Variants in FGF10 observed in about 807,000 individuals in gnomAD.
FGF10 encodes fibroblast growth factor 10.
Under a neutral mutation model 19.8 loss-of-function variants are expected in FGF10, and 2 were observed. The ratio of observed to expected loss-of-function variants is 0.10; its 90% CI spans 0.04 to 0.32. The LOEUF is 0.32. Ranked by LOEUF, FGF10 falls within the 10% of genes least tolerant of loss-of-function variation. The pLI is 1.00. For synonymous variants in FGF10, 112 were observed against 94.0 expected, an observed-to-expected ratio of 1.19 and a Z score of -1.10; for missense variants, 191 against 246.3, an observed-to-expected ratio of 0.78 and a Z score of 1.50.
At chr5:44,324,459 G>A (rs1006210251) in intron 1 of FGF10, among the ~76,000 whole-genome samples, 7 of 151,944 alleles carry the variant, frequency 4.6e-5, no homozygotes, top group African/African-American at 9.7e-5. Context: ...AGATAAAACC[G>A]CACAATATCA....
chr5:44,309,939 A>G (rs553293769), intron 2 of FGF10, among the ~76,000 whole-genome samples: 6 of 152,240 alleles, frequency 3.9e-5, no homozygotes, highest in African/African-American at 1.4e-4. Context: ...TAGGTAAATA[A>G]AATTCTAGAG....
At chr5:44,370,001 A>G (rs1482321300) in intron 1 of FGF10, among the ~76,000 whole-genome samples, 3 of 152,018 alleles carry the variant, frequency 2.0e-5, no homozygotes, top group Non-Finnish European at 2.9e-5. Context: ...TCAGATTTCT[A>G]TGTGTGAACA....
At chr5:44,333,510 G>A (rs961697636) in intron 1 of FGF10, among the ~76,000 whole-genome samples, 2 of 152,152 alleles carry the variant, frequency 1.3e-5, no homozygotes, top group East Asian at 3.8e-4. Flanking sequence ...CATTTATGGA[G>A]CATCACTATG....
At chr5:44,355,706 T>C (rs1741331333) in intron 1 of FGF10, among the ~76,000 whole-genome samples, 1 of 151,382 alleles carries the variant, frequency 6.6e-6, no homozygotes, top group Non-Finnish European at 1.5e-5. Flanking sequence ...TAAAATACAA[T>C]GCAGCGTGGA....
chr5:44,328,990 C>T (rs1329540708), intron 1 of FGF10, among the ~76,000 whole-genome samples: 1 of 152,086 alleles, frequency 6.6e-6, no homozygotes, highest in Non-Finnish European at 1.5e-5. Flanking sequence ...GAGTGAGACT[C>T]TGTCTCTGAA....
chr5:44,361,953 G>A (rs1741491879), intron 1 of FGF10, among the ~76,000 whole-genome samples: 1 of 151,562 alleles, frequency 6.6e-6, no homozygotes, highest in Non-Finnish European at 1.5e-5. Context: ...CCAGAAAGGT[G>A]ATCTGTATTT....
intron 1 of FGF10, among the ~76,000 whole-genome samples, chr5:44,368,931 G>A (rs1741682948): frequency 6.6e-6 from 1 of 152,104 alleles, no homozygotes; most frequent in Non-Finnish European, 1.5e-5. Context: ...GTCTTCCAAA[G>A]TGTTGAGATT....
chr5:44,380,857 G>A (rs1741969777), intron 1 of FGF10, among the ~76,000 whole-genome samples: 1 of 152,066 alleles, frequency 6.6e-6, no homozygotes, highest in Non-Finnish European at 1.5e-5. Context: ...TCCAGGCAGG[G>A]TGGTACATGC....
intron 1 of FGF10, among the ~76,000 whole-genome samples, chr5:44,341,496 A>T (rs1740970695): frequency 8.4e-6 from 1 of 119,572 alleles, no homozygotes; most frequent in African/African-American, 5.7e-5. Flanking sequence ...CTTGTTATTA[A>T]AAAAAAAACA....
chr5:44,377,954 G>A (rs1374500949), intron 1 of FGF10, among the ~76,000 whole-genome samples: 1 of 152,122 alleles, frequency 6.6e-6, no homozygotes, highest in Admixed American at 6.6e-5. Context: ...TGGTTGTTTG[G>A]CATCACCATC....
At position 44,302,284 on chromosome 5, in the gene FGF10, TTCCTTC is replaced by T; in HGVS notation, c.*2705_*2710del. Among the ~76,000 whole-genome samples, 1 of 35,836 alleles carries T rather than the reference TTCCTTC, an allele frequency of 2.8e-5. No homozygotes were observed. Among genetic ancestry groups the T allele is most frequent in the African/African-American group, 1.4e-4 (1 of 7,178 alleles). 23.5% of individuals were successfully genotyped at this position (35,836 alleles called of 152,430 possible). On this transcript the variant is annotated 3_prime_UTR_variant, in exon 3 of 3. Coordinates refer to ENST00000264664, the MANE Select transcript of FGF10 (RefSeq NM_004465.2). Reference sequence around the variant, plus strand: ...TTTCCTTCCTTCCTTCTTTCCTTGCTTCCTTCCTTCCTTCCTTCCTTCCTTCCTTCC... The same window carrying T: ...TTTCCTTCCTTCCTTCTTTCCTTGCTCTTCCTTCCTTCCTTCCTTCCTTCC...
chr5:44,362,101 C>T (rs778659456), intron 1 of FGF10, among the ~76,000 whole-genome samples: 6 of 151,578 alleles, frequency 4.0e-5, no homozygotes, highest in Admixed American at 6.6e-5. Context: ...TCATGAAAAT[C>T]GGAGTCAAGC....
In FGF10 at chr5:44,320,478, C is replaced by T. The variant is rs141630784; in HGVS notation, c.326-9948G>A. 5.9e-5 allele frequency among the ~76,000 whole-genome samples: 9 copies of T among 152,166 alleles called. No homozygotes were observed. In the South Asian group the frequency reaches 6.2e-4, roughly 11 times the overall value. ...AGGGAAAGACCCAGTGATGCAACAG[C>T]GGAAGACTTCTAAGACTGCCTACAA... is the stretch of plus-strand genomic sequence containing the variant. On this transcript the variant is annotated intron_variant, in intron 1 of 2. Coordinates refer to ENST00000264664, the MANE Select transcript of FGF10 (RefSeq NM_004465.2).
At chr5:44,312,366 G>C (rs866581711) in intron 1 of FGF10, among the ~76,000 whole-genome samples, 48 of 152,018 alleles carry the variant, frequency 3.2e-4, no homozygotes, top group African/African-American at 1.0e-3. Flanking sequence ...AGGTGATAAA[G>C]GTCGGTAATA....
intron 1 of FGF10, among the ~76,000 whole-genome samples, chr5:44,376,513 A>AAAC (rs1561219520): frequency 1.1e-3 from 154 of 135,524 alleles, no homozygotes; most frequent in African/African-American, 4.6e-3. Flanking sequence ...AAAAAAAAAA[A>AAAC]AAAACAAAAA....
At chr5:44,331,297 G>A (rs1740731286) in intron 1 of FGF10, among the ~76,000 whole-genome samples, 1 of 151,716 alleles carries the variant, frequency 6.6e-6, no homozygotes, top group Admixed American at 6.6e-5. Context: ...TTTTCACTTT[G>A]GAGCTTTGCT....
In FGF10 at chr5:44,305,227, G is replaced by T. The variant is rs765396280; in HGVS notation, c.430-35C>A. The T allele has an allele frequency of 7.0e-6, 11 of 1,582,032 alleles. No homozygotes were observed. In the Admixed American group the frequency reaches 1.8e-4, roughly 26 times the overall value. ...AAAAACAGAATCTTTTATTCCTATG[G>T]TGATTGTACTTGATTTCATTTGATA... On this transcript the variant is annotated intron_variant, in intron 2 of 2. Transcript: ENST00000264664.
intron 1 of FGF10, among the ~76,000 whole-genome samples, chr5:44,365,171 A>C (rs2111866695): frequency 6.6e-6 from 1 of 151,866 alleles, no homozygotes; most frequent in East Asian, 2.0e-4. Context: ...AGCTCCTTCC[A>C]TACCTAAGAC....
At chr5:44,328,500 G>A (rs771291791) in intron 1 of FGF10, among the ~76,000 whole-genome samples, 13 of 152,156 alleles carry the variant, frequency 8.5e-5, no homozygotes, top group Admixed American at 5.9e-4. Flanking sequence ...GCTCACTCTT[G>A]TAATCCCAGC....
Sources: allele counts gnomAD v4.1 joint callset (sites outside exome capture counted in the v4.1 genomes callset), GRCh38; gene constraint gnomAD v4.1.1; transcripts MANE v1.5; gene names NCBI Gene and HGNC (gene_info 2026-07-23, HGNC 2026-07-21).